PLCG2: variants seen among roughly 807,000 people sequenced by gnomAD.
PLCG2 encodes the protein phospholipase C gamma 2.
Under a neutral mutation model 175.6 loss-of-function variants are expected in PLCG2, and 69 were observed. The ratio of observed to expected loss-of-function variants is 0.39; its 90% CI spans 0.32 to 0.48. The LOEUF is 0.48. Among genes scored for constraint, PLCG2 ranks in the 20% least tolerant of loss-of-function variants. PLCG2 has a pLI of 0.91. For synonymous variants in PLCG2, 827 were observed against 624.0 expected (o/e 1.33, Z -4.85); for missense variants, 1,798 against 1,650.9 (o/e 1.09, Z -1.54).
chr16:81,882,409 A>C (rs1211483713), intron 8 of PLCG2, among the ~76,000 whole-genome samples: 1 of 152,074 alleles, frequency 6.6e-6, no homozygotes, highest in African/African-American at 2.4e-5. Context: ...GTGGGGCCTC[A>C]TGTGGCTCCC....
chr16:81,913,333 C>T (rs542247876), intron 19 of PLCG2, among the ~76,000 whole-genome samples: 18 of 152,348 alleles, frequency 1.2e-4, no homozygotes, highest in Admixed American at 2.6e-4. Flanking sequence ...AGTTCCTAAC[C>T]GTGTTCTAGA....
Position 81,938,951 on chromosome 16 carries a change from G to A in PLCG2, c.3313+36G>A, listed in dbSNP as rs115974594. On this transcript the variant is annotated intron_variant, in intron 29 of 32. Coordinates refer to ENST00000564138, the MANE Select transcript of PLCG2 (RefSeq NM_002661.5). ...CACCTTGGCCCCTCTGCTTTTAAAC[G>A]TCCGGCCAGTGAATCCTTTGTGGGA... The A allele has an allele frequency of 5.2e-4, 621 of 1,195,246 alleles. 4 individuals carry two copies. In the African/African-American group the frequency reaches 8.1e-3, roughly 16 times the overall value. 74.0% of individuals were successfully genotyped at this position (1,195,246 alleles called of 1,614,324 possible).
chr16:81,897,969 GA>G, intron 13 of PLCG2: 1 of 425,320 alleles, frequency 2.4e-6, no homozygotes, highest in Non-Finnish European at 4.8e-6. Flanking sequence ...GAAGGCATAT[GA>G]TTTCTCCATC....
At chr16:81,830,253 G>T (rs1413348116) in intron 2 of PLCG2, among the ~76,000 whole-genome samples, 1 of 152,118 alleles carries the variant, frequency 6.6e-6, no homozygotes, top group African/African-American at 2.4e-5. Flanking sequence ...CCAGGAGGTT[G>T]AGGCTGTAGT....
chr16:81,745,055 C>G (rs1909677072), intron 1 of PLCG2, among the ~76,000 whole-genome samples: 1 of 152,208 alleles, frequency 6.6e-6, no homozygotes, highest in Non-Finnish European at 1.5e-5. Flanking sequence ...ATTCCATAAA[C>G]ATTCAGCAAA....
At chr16:81,863,106 G>T (rs1444333016) in intron 5 of PLCG2, among the ~76,000 whole-genome samples, 2 of 152,192 alleles carry the variant, frequency 1.3e-5, no homozygotes, top group East Asian at 3.8e-4. Flanking sequence ...GTGGGATGAA[G>T]TATATCATGT....
intron 2 of PLCG2, among the ~76,000 whole-genome samples, chr16:81,829,640 T>G (rs910960246): frequency 3.3e-5 from 5 of 152,264 alleles, no homozygotes; most frequent in Non-Finnish European, 5.9e-5. Context: ...ATGTTCTCCT[T>G]CTGTTCCAGG....
chr16:81,789,489 A>G (rs889882264), intron 2 of PLCG2, among the ~76,000 whole-genome samples: 1 of 151,790 alleles, frequency 6.6e-6, no homozygotes, highest in Non-Finnish European at 1.5e-5. Flanking sequence ...GGGTCTTGCT[A>G]TGTTGCCGAG....
At chr16:81,746,330 G>A (rs1437537074) in intron 1 of PLCG2, among the ~76,000 whole-genome samples, 3 of 152,208 alleles carry the variant, frequency 2.0e-5, no homozygotes, top group African/African-American at 7.2e-5. Context: ...CCCCAGCACA[G>A]GTGGAGAACC....
chr16:81,786,194 C>G lies in PLCG2; in HGVS notation c.193+12C>G, dbSNP rs201282710. On this transcript the variant is annotated intron_variant, in intron 2 of 32. Transcript: ENST00000564138. Reference sequence around the variant, plus strand: ...GATCGAGGGCTTCTGTGAGTACTCGCTGGGTGGGGCAGTGTGGCCCGTCCT... The same window carrying G: ...GATCGAGGGCTTCTGTGAGTACTCGGTGGGTGGGGCAGTGTGGCCCGTCCT... The G allele has an allele frequency of 1.2e-6, 2 of 1,610,964 alleles. No homozygotes were observed. Among genetic ancestry groups the G allele is most frequent in the African/African-American group, 2.7e-5 (2 of 75,018 alleles).
intron 1 of PLCG2, among the ~76,000 whole-genome samples, chr16:81,779,777 G>T (rs1490367043): frequency 6.6e-6 from 1 of 152,128 alleles, no homozygotes; most frequent in Non-Finnish European, 1.5e-5. Context: ...GTGGGGTGGC[G>T]CCGTCTCTCT....
intron 23 of PLCG2, 90 bp downstream of exon 23, chr16:81,927,268 T>C: frequency 1.2e-6 from 1 of 833,048 alleles, no homozygotes; most frequent in Non-Finnish European, 2.1e-6. Context: ...GGGTGAATTT[T>C]TCCATGTGCT....
At chr16:81,899,246 T>C (rs912454707) in intron 13 of PLCG2, among the ~76,000 whole-genome samples, 1 of 150,858 alleles carries the variant, frequency 6.6e-6, no homozygotes, top group Non-Finnish European at 1.5e-5. Context: ...ATGACTTTTC[T>C]CCTGCCTCAG....
intron 2 of PLCG2, among the ~76,000 whole-genome samples, chr16:81,787,393 A>ATTTTTTTTTTTTTTTTTTTTTTTTT (rs67160306): frequency 1.1e-5 from 1 of 94,582 alleles, no homozygotes; most frequent in African/African-American, 4.6e-5. Flanking sequence ...GGATAATTTA[A>ATTTTTTTTTTTTTTTTTTTTTTTTT]TTTTTTTTTT....
rs181043336 is a variant in PLCG2, at chr16:81,924,420, C to G, written c.2417+826C>G. Among the ~76,000 whole-genome samples, 235 of 152,348 alleles carry G rather than the reference C, an allele frequency of 1.5e-3. 1 individual carries two copies. Among genetic ancestry groups the G allele is most frequent in the African/African-American group, 5.4e-3 (223 of 41,580 alleles). ...TAAGCACGTTTGAAATAACTCACTTCATTTGAAATAACTGAGTCTACATGA... is the reference window on the plus strand; with the variant it reads ...TAAGCACGTTTGAAATAACTCACTTGATTTGAAATAACTGAGTCTACATGA... On this transcript the variant is annotated intron_variant, in intron 22 of 32. Transcript: ENST00000564138.
At chr16:81,816,658 T>A (rs1051856217) in intron 2 of PLCG2, among the ~76,000 whole-genome samples, 1 of 97,580 alleles carries the variant, frequency 1.0e-5, no homozygotes. Flanking sequence ...TTAATTTTTT[T>A]TTTTTTTTTT....
intron 2 of PLCG2, among the ~76,000 whole-genome samples, chr16:81,803,591 CTTTTCTCCT>C (rs1381290504): frequency 2.1e-5 from 3 of 140,720 alleles, no homozygotes; most frequent in African/African-American, 7.9e-5. Context: ...CCTTTCTTTT[CTTTTCTCCT>C]TTTCTTTTCT....
At chr16:81,886,444 T>C (rs1376372669) in intron 9 of PLCG2, among the ~76,000 whole-genome samples, 3 of 152,194 alleles carry the variant, frequency 2.0e-5, no homozygotes, top group Non-Finnish European at 4.4e-5. Context: ...CTGTATGCAA[T>C]GAAAAGAAAG....
intron 19 of PLCG2, among the ~76,000 whole-genome samples, chr16:81,914,071 C>G (rs1218910729): frequency 6.6e-6 from 1 of 152,234 alleles, no homozygotes; most frequent in Non-Finnish European, 1.5e-5. Context: ...GGTACCTCCT[C>G]AGCCTGGATG....
Sources: allele counts gnomAD v4.1 joint callset (sites outside exome capture counted in the v4.1 genomes callset), GRCh38; gene constraint gnomAD v4.1.1; transcripts MANE v1.5; gene names NCBI Gene and HGNC (gene_info 2026-07-23, HGNC 2026-07-21).